ASTN2: variants seen among roughly 807,000 people sequenced by gnomAD.
The protein encoded by ASTN2 is astrotactin 2.
Under a neutral mutation model 139.8 loss-of-function variants are expected in ASTN2, and 54 were observed. The observed-to-expected ratio is 0.39, with a 90% CI of 0.31 to 0.48. The LOEUF (loss-of-function observed/expected upper bound fraction) is 0.48, where lower values mean the gene tolerates loss of function less well. Ranked by LOEUF, ASTN2 falls within the 20% of genes least tolerant of loss-of-function variation. ASTN2 has a pLI of 0.95. For synonymous variants in ASTN2, 756 were observed against 719.5 expected (o/e 1.05, Z -0.81); for missense variants, 1,565 against 1,725.1 (o/e 0.91, Z 1.64).
At chr9:116,546,930 A>T (rs1852120969) in intron 19 of ASTN2, among the ~76,000 whole-genome samples, 1 of 152,180 alleles carries the variant, frequency 6.6e-6, no homozygotes, top group Non-Finnish European at 1.5e-5. Context: ...TACTTTACCC[A>T]GCTGCCCGCA....
chr9:117,045,129 C>A (rs939673690), intron 5 of ASTN2, among the ~76,000 whole-genome samples: 1 of 151,998 alleles, frequency 6.6e-6, no homozygotes, highest in African/African-American at 2.4e-5. Context: ...CCCACAAAAT[C>A]TCTGTGTGAC....
At chr9:116,796,082 A>G (rs1194676320) in intron 13 of ASTN2, among the ~76,000 whole-genome samples, 1 of 152,156 alleles carries the variant, frequency 6.6e-6, no homozygotes, top group Non-Finnish European at 1.5e-5. Context: ...GCAGCCCTCT[A>G]TGGCACGTGG....
intron 17 of ASTN2, among the ~76,000 whole-genome samples, chr9:116,639,442 C>CT (rs569843401): frequency 4.0e-5 from 6 of 151,768 alleles, no homozygotes; most frequent in Non-Finnish European, 8.8e-5. Flanking sequence ...TCTGGAATGA[C>CT]TTTTTTTTTC....
chr9:117,240,428 C>T (rs1421780803), intron 2 of ASTN2, among the ~76,000 whole-genome samples: 1 of 152,130 alleles, frequency 6.6e-6, no homozygotes, highest in Non-Finnish European at 1.5e-5. Flanking sequence ...AGAACAACAG[C>T]ACATTGCAAG....
chr9:116,572,413 CCT>C (rs1157382909), intron 19 of ASTN2, among the ~76,000 whole-genome samples: 1 of 152,202 alleles, frequency 6.6e-6, no homozygotes, highest in African/African-American at 2.4e-5. Context: ...GCTGCTCACC[CCT>C]GAGACTTCCA....
At chr9:116,570,124 GCTTT>G (rs1554714939) in intron 19 of ASTN2, among the ~76,000 whole-genome samples, 3 of 152,148 alleles carry the variant, frequency 2.0e-5, no homozygotes, top group Non-Finnish European at 4.4e-5. Context: ...TTCTAGCCTT[GCTTT>G]CTTTATCTGA....
intron 16 of ASTN2, among the ~76,000 whole-genome samples, chr9:116,658,845 T>C (rs1009850702): frequency 1.3e-5 from 2 of 151,180 alleles, no homozygotes; most frequent in East Asian, 2.0e-4. Context: ...AATGCTCCTA[T>C]TGGGAAAGAT....
intron 1 of ASTN2, among the ~76,000 whole-genome samples, chr9:117,362,556 G>GTCTCTATAAGGGAGTTCCTCTTTCTCAAA: frequency 1.3e-5 from 2 of 152,120 alleles, no homozygotes; most frequent in Admixed American, 1.3e-4. Context: ...CCTATGGCCA[G>GTCTCTATAAGGGAGTTCCTCTTTCTCAAA]TCTCTATAAG....
intron 10 of ASTN2, among the ~76,000 whole-genome samples, chr9:116,935,546 A>G (rs149347960): frequency 1.2e-3 from 176 of 152,338 alleles, no homozygotes; most frequent in African/African-American, 3.9e-3. Context: ...ATGAGCCAGA[A>G]AAGAAAGAAA....
intron 1 of ASTN2, among the ~76,000 whole-genome samples, chr9:117,316,493 G>T (rs1326863810): frequency 6.6e-6 from 1 of 152,134 alleles, no homozygotes; most frequent in East Asian, 1.9e-4. Context: ...GGGAGCGATG[G>T]AAGGGGTCAT....
intron 13 of ASTN2, among the ~76,000 whole-genome samples, chr9:116,738,054 T>C (rs1828988899): frequency 6.6e-6 from 1 of 150,694 alleles, no homozygotes; most frequent in African/African-American, 2.4e-5. Context: ...TAGCCGGGCG[T>C]GGTAGCGGGC....
intron 4 of ASTN2, among the ~76,000 whole-genome samples, chr9:117,106,966 G>A (rs1829123022): frequency 6.6e-6 from 1 of 152,072 alleles, no homozygotes; most frequent in African/African-American, 2.4e-5. Flanking sequence ...ATCTATACAT[G>A]TATCTATACC....
At chr9:116,567,663 G>T (rs1244471097) in intron 19 of ASTN2, among the ~76,000 whole-genome samples, 1 of 152,134 alleles carries the variant, frequency 6.6e-6, no homozygotes, top group Non-Finnish European at 1.5e-5. Flanking sequence ...ACCAGTAAGA[G>T]GTGGTTTAAA....
In ASTN2 at chr9:117,383,103, A is replaced by G. The variant is rs1008338587; in HGVS notation, c.442+31394T>C. 6.6e-5 allele frequency among the ~76,000 whole-genome samples: 10 copies of G among 152,218 alleles called. No individual in the cohort carries two copies. The East Asian group carries it at 1.5e-3, about 23-fold the overall frequency. On this transcript the variant is annotated intron_variant, in intron 1 of 22. Transcript: ENST00000313400. ...AGCGTGGCTGTGTTCAAATAAAACT[A>G]TTTTTAAACACTGAATCTGAAATTT...
At chr9:117,158,622 A>G (rs1156591964) in intron 3 of ASTN2, among the ~76,000 whole-genome samples, 1 of 152,016 alleles carries the variant, frequency 6.6e-6, no homozygotes, top group Non-Finnish European at 1.5e-5. Flanking sequence ...CAGTGAGTGC[A>G]TGGCAGAAGG....
intron 10 of ASTN2, among the ~76,000 whole-genome samples, chr9:116,872,619 C>A (rs1337518352): frequency 6.6e-6 from 1 of 152,012 alleles, no homozygotes; most frequent in African/African-American, 2.4e-5. Flanking sequence ...GGCCACAGGA[C>A]CACAAAGATG....
intron 2 of ASTN2, among the ~76,000 whole-genome samples, chr9:117,268,202 T>G (rs1201135257): frequency 2.6e-5 from 4 of 152,166 alleles, no homozygotes; most frequent in South Asian, 4.1e-4. Flanking sequence ...GTAAAAGCCA[T>G]GTATGTCCAC....
At chr9:116,464,170 T>C (rs1449625431) in intron 20 of ASTN2, among the ~76,000 whole-genome samples, 2 of 152,078 alleles carry the variant, frequency 1.3e-5, no homozygotes, top group Non-Finnish European at 2.9e-5. Context: ...ATGACAAATG[T>C]CATAATGTAT....
At chr9:116,880,949 G>A (rs916938482) in intron 10 of ASTN2, among the ~76,000 whole-genome samples, 28 of 152,180 alleles carry the variant, frequency 1.8e-4, no homozygotes, top group Admixed American at 1.4e-3. Flanking sequence ...ACATAAAGAC[G>A]TCATGAGGTC....
Sources: allele counts gnomAD v4.1 joint callset (sites outside exome capture counted in the v4.1 genomes callset), GRCh38; gene constraint gnomAD v4.1.1; transcripts MANE v1.5; gene names NCBI Gene and HGNC (gene_info 2026-07-23, HGNC 2026-07-21).